The following BRINP3 variants were observed in gnomAD, a reference collection of about 807,000 sequenced individuals.
The protein encoded by BRINP3 is BMP/retinoic acid inducible neural specific 3, also known as BMP/retinoic acid-inducible neural-specific protein 3.
Under a neutral mutation model 71.0 loss-of-function variants are expected in BRINP3, and 19 were observed. The observed-to-expected ratio is 0.27, with a 90% CI of 0.19 to 0.39. BRINP3 has a LOEUF of 0.39. Ranked by LOEUF, BRINP3 falls within the 10% of genes least tolerant of loss-of-function variation. BRINP3 has a pLI of 1.00. For missense variants in BRINP3, 959 were observed against 940.8 expected (o/e 1.02, Z -0.25); for synonymous variants, 380 against 337.7 (o/e 1.13, Z -1.37).
chr1:190,226,895 G>A (rs1027090761), intron 5 of BRINP3, among the ~76,000 whole-genome samples: 1 of 151,866 alleles, frequency 6.6e-6, no homozygotes, highest in African/African-American at 2.4e-5. Flanking sequence ...GACTGATTTA[G>A]TTATTTCACA....
At chr1:190,184,082 G>A (rs1179538693) in intron 6 of BRINP3, among the ~76,000 whole-genome samples, 3 of 152,000 alleles carry the variant, frequency 2.0e-5, no homozygotes, top group Non-Finnish European at 4.4e-5. Context: ...TTTTAAAAAA[G>A]CAACAACAAA....
chr1:190,330,030 T>C (rs1666863871), intron 2 of BRINP3, among the ~76,000 whole-genome samples: 1 of 151,860 alleles, frequency 6.6e-6, no homozygotes, highest in Non-Finnish European at 1.5e-5. Context: ...ACTATAAGAA[T>C]CCTTGAAGAA....
At chr1:190,262,062 T>A (rs913018724) in intron 4 of BRINP3, among the ~76,000 whole-genome samples, 2 of 152,118 alleles carry the variant, frequency 1.3e-5, no homozygotes, top group African/African-American at 2.4e-5. Flanking sequence ...ACACATTTGA[T>A]AAGTAATAAA....
intron 4 of BRINP3, among the ~76,000 whole-genome samples, chr1:190,234,914 T>A (rs1658372012): frequency 6.6e-6 from 1 of 152,176 alleles, no homozygotes; most frequent in African/African-American, 2.4e-5. Flanking sequence ...CTTAAAAATC[T>A]ATATTTTTCC....
At chr1:190,405,934 A>C (rs536287706) in intron 2 of BRINP3, among the ~76,000 whole-genome samples, 3 of 152,240 alleles carry the variant, frequency 2.0e-5, no homozygotes, top group Non-Finnish European at 4.4e-5. Context: ...AGAATGGTAC[A>C]GAATGCTTAG....
intron 6 of BRINP3, among the ~76,000 whole-genome samples, chr1:190,164,793 T>G (rs757269421): frequency 6.6e-6 from 1 of 151,934 alleles, no homozygotes; most frequent in African/African-American, 2.4e-5. Flanking sequence ...GGTCTTACCA[T>G]ATTGTACAGG....
intron 7 of BRINP3, among the ~76,000 whole-genome samples, chr1:190,101,065 G>A (rs1651658707): frequency 6.6e-6 from 1 of 152,130 alleles, no homozygotes. Flanking sequence ...GCAGCAAAAA[G>A]GCCCTCACCA....
At chr1:190,432,052 A>G (rs1287385009) in intron 2 of BRINP3, among the ~76,000 whole-genome samples, 1 of 152,194 alleles carries the variant, frequency 6.6e-6, no homozygotes, top group Non-Finnish European at 1.5e-5. Context: ...AAACATGTTC[A>G]TATATATACA....
chr1:190,358,504 A>C (rs984354225), intron 2 of BRINP3, among the ~76,000 whole-genome samples: 3 of 152,318 alleles, frequency 2.0e-5, no homozygotes, highest in Admixed American at 2.0e-4. Flanking sequence ...TTAAAAAGTC[A>C]GGGAACAACA....
At chr1:190,339,058 C>A (rs907166635) in intron 2 of BRINP3, among the ~76,000 whole-genome samples, 2 of 149,536 alleles carry the variant, frequency 1.3e-5, no homozygotes. Flanking sequence ...ATAAAACAAT[C>A]TTTTTTCTTC....
chr1:190,114,526 C>CTGTGTGTGTG (rs34766118), intron 7 of BRINP3, among the ~76,000 whole-genome samples: 52 of 143,128 alleles, frequency 3.6e-4, no homozygotes, highest in African/African-American at 9.4e-4. Context: ...AAGTTTGCCA[C>CTGTGTGTGTG]TGTGTGTGTG....
rs79179244 is a variant in BRINP3 at position 190,149,057 on chromosome 1, A to T, written c.1184+11611T>A. Among the ~76,000 whole-genome samples the T allele has an allele frequency of 9.8e-4, 150 of 152,358 alleles. 3 individuals carry two copies. The East Asian group carries it at 0.026, about 26-fold the overall frequency. The stretch of plus-strand genomic sequence containing the variant: ...CAAAACTTCAGAATCCTCAATTGTG[A>T]ATTTAAAGTAAAACTACTACCCACC... On this transcript the variant is annotated intron_variant, in intron 7 of 7. Coordinates refer to ENST00000367462, the MANE Select transcript of BRINP3 (RefSeq NM_199051.3).
intron 7 of BRINP3, among the ~76,000 whole-genome samples, chr1:190,143,011 T>C (rs1447254771): frequency 6.6e-6 from 1 of 152,086 alleles, no homozygotes; most frequent in Non-Finnish European, 1.5e-5. Context: ...GGAAAGAAAA[T>C]AGGAGAAGAG....
At chr1:190,104,522 G>T (rs1651974988) in intron 7 of BRINP3, among the ~76,000 whole-genome samples, 1 of 151,576 alleles carries the variant, frequency 6.6e-6, no homozygotes, top group Non-Finnish European at 1.5e-5. Context: ...TCAGAAGATG[G>T]AACATTTCGT....
At chr1:190,337,789 T>C (rs1010481910) in intron 2 of BRINP3, among the ~76,000 whole-genome samples, 4 of 152,116 alleles carry the variant, frequency 2.6e-5, no homozygotes, top group African/African-American at 9.6e-5. Context: ...ACACCTATCC[T>C]ATTAGTCCTG....
At chr1:190,197,422 C>A (rs1654584105) in intron 6 of BRINP3, among the ~76,000 whole-genome samples, 1 of 152,114 alleles carries the variant, frequency 6.6e-6, no homozygotes, top group African/African-American at 2.4e-5. Flanking sequence ...CAAAGTCTCA[C>A]CTGAAGCAAG....
intron 1 of BRINP3, among the ~76,000 whole-genome samples, chr1:190,475,386 G>C (rs1677430637): frequency 6.6e-6 from 1 of 152,160 alleles, no homozygotes; most frequent in Non-Finnish European, 1.5e-5. Context: ...GCTTAGGAAG[G>C]TTGGAAATGG....
At chr1:190,371,378 T>C (rs1558227010) in intron 2 of BRINP3, among the ~76,000 whole-genome samples, 1 of 152,204 alleles carries the variant, frequency 6.6e-6, no homozygotes, top group Non-Finnish European at 1.5e-5. Flanking sequence ...GTTCTAATTT[T>C]ATTCTGCTGC....
intron 7 of BRINP3, among the ~76,000 whole-genome samples, chr1:190,115,909 G>C (rs2102299179): frequency 6.6e-6 from 1 of 152,208 alleles, no homozygotes; most frequent in East Asian, 1.9e-4. Flanking sequence ...AAGTGTATAT[G>C]TTTCTTTGAG....
Sources: allele counts gnomAD v4.1 joint callset (sites outside exome capture counted in the v4.1 genomes callset), GRCh38; gene constraint gnomAD v4.1.1; transcripts MANE v1.5; gene names NCBI Gene and HGNC (gene_info 2026-07-23, HGNC 2026-07-21).